KLB: variants seen among roughly 807,000 people sequenced by gnomAD.
KLB encodes klotho beta, also known as beta-klotho.
KLB carries 44 observed loss-of-function variants against 88.4 expected under a neutral mutation model. The ratio of observed to expected loss-of-function variants is 0.50; its 90% CI spans 0.39 to 0.64. The LOEUF (loss-of-function observed/expected upper bound fraction) is 0.64. Ranked by LOEUF, KLB falls within the 30% of genes least tolerant of loss-of-function variation. KLB has a pLI of 0.00. For synonymous variants in KLB, 548 were observed against 513.4 expected, an observed-to-expected ratio of 1.07 and a Z score of -0.91; for missense variants, 1,137 against 1,304.8, an observed-to-expected ratio of 0.87 and a Z score of 1.98.
chr4:39,411,537 T>A (rs1742848126), intron 1 of KLB, among the ~76,000 whole-genome samples: 1 of 150,224 alleles, frequency 6.7e-6, no homozygotes, highest in African/African-American at 2.4e-5. Context: ...TTTTTTTTTT[T>A]AAGACAGAGT....
intron 1 of KLB, among the ~76,000 whole-genome samples, chr4:39,427,548 A>G (rs1026667683): frequency 6.6e-6 from 1 of 152,028 alleles, no homozygotes; most frequent in Non-Finnish European, 1.5e-5. Flanking sequence ...TGAAAAGATG[A>G]ATCAAATTGA....
Position 39,447,564 on chromosome 4 carries a change from G to A in KLB, c.2749+89G>A, listed in dbSNP as rs187851658. On this transcript the variant is annotated intron_variant, in intron 4 of 4. Transcript: ENST00000257408. ...GAATGGGAGCAGCAGGCTGGTGCCT[G>A]ACAGCATCCAATTTGTGGCACCCAA... 7.1e-4 allele frequency: 803 copies of A among 1,138,388 alleles called. 1 individual carries two copies. Among genetic ancestry groups the A allele is most frequent in the Middle Eastern group, 1.8e-3 (6 of 3,298 alleles). The allele number at this position is 1,138,388 out of a possible 1,614,324, so 70.5% of individuals were successfully genotyped here. A position where few individuals can be genotyped will look rare whatever the true frequency, so the allele number is the denominator to read the frequency against.
At chr4:39,437,618 G>A in intron 2 of KLB, 109 bp from the exon 3 acceptor site, 1 of 1,281,718 alleles carries the variant, frequency 7.8e-7, no homozygotes, top group Non-Finnish European at 1.1e-6. Context: ...GAAAATTAGG[G>A]CAAAGGTTCG....
intron 1 of KLB, among the ~76,000 whole-genome samples, chr4:39,421,071 CA>C (rs930884590): frequency 6.6e-6 from 1 of 152,098 alleles, no homozygotes; most frequent in African/African-American, 2.4e-5. Context: ...TCTCAATAAT[CA>C]AAATGTAAAA....
chr4:39,423,842 CT>C (rs899950240), intron 1 of KLB, among the ~76,000 whole-genome samples: 3 of 151,248 alleles, frequency 2.0e-5, no homozygotes, highest in Non-Finnish European at 4.4e-5. Flanking sequence ...GGGGAAGGAT[CT>C]TTTTTTTAAA....
intron 2 of KLB, among the ~76,000 whole-genome samples, chr4:39,435,868 A>G (rs1342556705): frequency 1.3e-5 from 2 of 152,264 alleles, no homozygotes; most frequent in African/African-American, 4.8e-5. Context: ...TATAAAGGAC[A>G]CAGTGCTAAA....
At position 39,407,044 on chromosome 4, in the gene KLB, A is replaced by G. The variant is rs1378976758; in HGVS notation, c.95A>G (p.Asn32Ser). 1 of 1,613,982 alleles carries G rather than the reference A, an allele frequency of 6.2e-7. No homozygotes were observed. Among genetic ancestry groups the G allele is most frequent in the African/African-American group, 1.3e-5 (1 of 74,930 alleles). ...ACACGCTATAGGAATACAATGTCCA[A>G]CGGGGGATTGCAAAGATCTGTCATC... ...ITTRYRNTMS[N>S]GGLQRSVILS... The change falls in exon 1 of 5, where the codon AAC becomes AGC. Residue 32 changes from asparagine to serine, a missense_variant. By Grantham distance (46) the Asn-to-Ser change is conservative. Transcript: ENST00000257408.
chr4:39,430,844 A>T (rs1212771650), intron 1 of KLB, among the ~76,000 whole-genome samples: 2 of 151,628 alleles, frequency 1.3e-5, no homozygotes, highest in Non-Finnish European at 2.9e-5. Context: ...TCCTGACCTC[A>T]AGTGATCTGC....
At chr4:39,428,401 C>T (rs1560648563) in intron 1 of KLB, among the ~76,000 whole-genome samples, 1 of 147,554 alleles carries the variant, frequency 6.8e-6, no homozygotes, top group East Asian at 2.0e-4. Flanking sequence ...GCACTCCAGC[C>T]TAGGCAACAA....
At chr4:39,436,620 G>A (rs1003482012) in intron 2 of KLB, among the ~76,000 whole-genome samples, 1 of 152,158 alleles carries the variant, frequency 6.6e-6, no homozygotes, top group African/African-American at 2.4e-5. Flanking sequence ...ATTTCTATGA[G>A]AGAAGTGAAA....
At chr4:39,443,699 T>C (rs1743666180) in intron 3 of KLB, among the ~76,000 whole-genome samples, 1 of 145,370 alleles carries the variant, frequency 6.9e-6, no homozygotes, top group Non-Finnish European at 1.5e-5. Flanking sequence ...AGACGGAGGT[T>C]GCAGTGAGCC....
At chr4:39,445,213 C>T (rs143658368) in intron 3 of KLB, among the ~76,000 whole-genome samples, 76 of 152,256 alleles carry the variant, frequency 5.0e-4, no homozygotes, top group African/African-American at 1.8e-3. Flanking sequence ...CCTCACAGCA[C>T]ACCTGTGAGG....
At chr4:39,412,421 T>C (rs1230907349) in intron 1 of KLB, among the ~76,000 whole-genome samples, 1 of 152,140 alleles carries the variant, frequency 6.6e-6, no homozygotes, top group East Asian at 1.9e-4. Context: ...GGATAAAGTC[T>C]CAATTTTTCA....
chr4:39,448,622 A>G lies in KLB; in HGVS notation c.3071A>G (p.Lys1024Arg), dbSNP rs373354070. The change falls in exon 5 of 5, where the codon AAG becomes AGG. Residue 1024 changes from lysine to arginine, a missense_variant. Coordinates refer to ENST00000257408, the MANE Select transcript of KLB (RefSeq NM_175737.4). Reference protein sequence around the residue: ...IAIFQRQKRRKFWKAKNLQHI... With the variant: ...IAIFQRQKRRRFWKAKNLQHI... ...ATTTTTCAAAGGCAGAAGAGAAGAAAGTTTTGGAAAGCAAAAAACTTACAA... is the reference window on the plus strand; with the variant it reads ...ATTTTTCAAAGGCAGAAGAGAAGAAGGTTTTGGAAAGCAAAAAACTTACAA... 6.2e-7 allele frequency: 1 copy of G among 1,613,882 alleles called. No individual in the cohort carries two copies. Among genetic ancestry groups the G allele is most frequent in the African/African-American group, 1.3e-5 (1 of 74,946 alleles).
chr4:39,445,895 G>C (rs1332951237), intron 3 of KLB, among the ~76,000 whole-genome samples: 1 of 152,098 alleles, frequency 6.6e-6, no homozygotes, highest in African/African-American at 2.4e-5. Flanking sequence ...CACCGCACCA[G>C]CCTTTTTAAG....
intron 1 of KLB, among the ~76,000 whole-genome samples, chr4:39,423,980 CA>C (rs1229824640): frequency 5.9e-5 from 9 of 151,790 alleles, no homozygotes; most frequent in African/African-American, 2.2e-4. Flanking sequence ...GCCTGGGCAA[CA>C]TAGTGAGACC....
intron 3 of KLB, among the ~76,000 whole-genome samples, chr4:39,445,050 G>C (rs960986812): frequency 2.0e-5 from 3 of 152,176 alleles, no homozygotes; most frequent in Admixed American, 6.5e-5. Context: ...TCTTGAATTT[G>C]GGAATGTTTT....
At chr4:39,437,651 G>C (rs1743508502) in intron 2 of KLB, 76 bp from the exon 3 acceptor site, 1 of 1,472,496 alleles carries the variant, frequency 6.8e-7, no homozygotes, top group Non-Finnish European at 9.2e-7. Flanking sequence ...CTGTCCTCTG[G>C]CATGTTAGTG....
rs184152788 is a variant in KLB, at chr4:39,423,746, A to G, written c.826-10464A>G. Among the ~76,000 whole-genome samples, 412 of 151,932 alleles carry G rather than the reference A, an allele frequency of 2.7e-3. 25 individuals are homozygous for G. The highest frequency in any genetic ancestry group is 9.3e-3 in the African/African-American group (385 of 41,206). ...CATCTGTGTGGACAACTGTGAACAC[A>G]ATAAATATAGTCAGTCTCTGCCCTC... is the stretch of plus-strand genomic sequence containing the variant. On this transcript the variant is annotated intron_variant, in intron 1 of 4. Transcript: ENST00000257408.
Sources: allele counts gnomAD v4.1 joint callset (sites outside exome capture counted in the v4.1 genomes callset), GRCh38; gene constraint gnomAD v4.1.1; transcripts MANE v1.5; gene names NCBI Gene and HGNC (gene_info 2026-07-23, HGNC 2026-07-21).